The following DMD variants were observed in gnomAD, a reference collection of about 807,000 sequenced individuals.
DMD encodes dystrophin.
DMD carries 63 observed loss-of-function variants against 330.1 expected under a neutral mutation model. The ratio of observed to expected loss-of-function variants is 0.19; its 90% CI spans 0.16 to 0.24. The LOEUF (loss-of-function observed/expected upper bound fraction) is 0.24. Ranked by LOEUF, DMD falls within the 10% of genes least tolerant of loss-of-function variation. DMD has a pLI of 1.00. For missense variants in DMD, 3,344 were observed against 2,684.1 expected (o/e 1.25, Z -5.43); for synonymous variants, 1,223 against 959.8 (o/e 1.27, Z -5.07).
chrX:33,093,122 G>T (rs1021358641), intron 1 of DMD, among the ~76,000 whole-genome samples: 1 of 111,548 alleles, frequency 9.0e-6, no homozygotes, highest in Non-Finnish European at 1.9e-5. Context: ...TGATCCACCC[G>T]CCTCGGCCTC....
intron 1 of DMD, among the ~76,000 whole-genome samples, chrX:33,303,884 A>C (rs2053709899): frequency 9.0e-6 from 1 of 111,580 alleles, no homozygotes; most frequent in Admixed American, 9.6e-5. Flanking sequence ...AGAATGAACT[A>C]ATACACTTAA....
At chrX:31,464,492 A>G (rs1294844699) in intron 59 of DMD, among the ~76,000 whole-genome samples, 1 of 112,591 alleles carries the variant, frequency 8.9e-6, no homozygotes, top group African/African-American at 3.2e-5. Context: ...CCCTTATTAA[A>G]TAAATGGCTT....
chrX:31,572,800 C>T (rs2075893573), intron 55 of DMD, among the ~76,000 whole-genome samples: 1 of 112,276 alleles, frequency 8.9e-6, no homozygotes, highest in Non-Finnish European at 1.9e-5. Flanking sequence ...GTAGCTGGTG[C>T]TTCACATTTC....
chrX:31,783,273 C>T (rs969129593), intron 50 of DMD, among the ~76,000 whole-genome samples: 18 of 111,649 alleles, frequency 1.6e-4, no homozygotes, highest in Admixed American at 9.5e-4. Flanking sequence ...AGAGTTCCTC[C>T]TACCTGAATG....
chrX:32,611,281 T>G (rs929981452), intron 12 of DMD, among the ~76,000 whole-genome samples: 2 of 110,516 alleles, frequency 1.8e-5, no homozygotes, highest in Non-Finnish European at 3.8e-5. Context: ...TAGTTAAAAG[T>G]AGGAGTTGGC....
At chrX:32,759,352 G>T (rs780916695) in intron 7 of DMD, among the ~76,000 whole-genome samples, 5 of 111,238 alleles carry the variant, frequency 4.5e-5, no homozygotes, top group Non-Finnish European at 9.4e-5. Flanking sequence ...ACAAAGACAG[G>T]ACTCAAGAAA....
At chrX:32,992,731 A>G (rs956391955) in intron 2 of DMD, among the ~76,000 whole-genome samples, 3 of 109,667 alleles carry the variant, frequency 2.7e-5, no homozygotes, top group Non-Finnish European at 3.8e-5. Context: ...ACATGGTGAA[A>G]CCCCGTCTCT....
At chrX:32,654,253 T>A (rs892416204) in intron 9 of DMD, among the ~76,000 whole-genome samples, 3 of 111,594 alleles carry the variant, frequency 2.7e-5, no homozygotes, top group Non-Finnish European at 5.6e-5. Flanking sequence ...ATGCTTCCAG[T>A]TTTTGCCCAT....
chrX:31,456,836 ATGTG>A (rs5901988), intron 59 of DMD, among the ~76,000 whole-genome samples: 1,636 of 83,072 alleles, frequency 0.02, 16 homozygotes, highest in East Asian at 0.055. Flanking sequence ...GCCCACATAT[ATGTG>A]TGTGTGTGTG....
At chrX:32,976,743 C>G (rs2092562711) in intron 2 of DMD, among the ~76,000 whole-genome samples, 1 of 111,146 alleles carries the variant, frequency 9.0e-6, no homozygotes, top group Non-Finnish European at 1.9e-5. Context: ...CAGTATGTAC[C>G]TTTCTTATTT....
intron 51 of DMD, among the ~76,000 whole-genome samples, chrX:31,749,854 T>C (rs1184658314): frequency 9.4e-6 from 1 of 106,000 alleles, no homozygotes; most frequent in East Asian, 3.0e-4. Flanking sequence ...TGTGAGATGG[T>C]ATCTCATTGT....
Position 31,200,203 on chromosome X carries a change from C to T in DMD, c.9807+3758G>A, listed in dbSNP as rs138523796. ...CAGCACTTCAAACTAATTCCTCTTC[C>T]CCCTCAAGGGTCCCCTGTCTTGTTA... On this transcript the variant is annotated intron_variant, in intron 67 of 78. Transcript: ENST00000357033. 3.7e-3 allele frequency among the ~76,000 whole-genome samples: 409 copies of T among 111,527 alleles called. 1 individual carries two copies. The highest frequency in any genetic ancestry group is 0.012 in the African/African-American group (369 of 30,267).
intron 1 of DMD, among the ~76,000 whole-genome samples, chrX:33,124,164 T>C (rs1188099045): frequency 1.4e-4 from 14 of 102,545 alleles, no homozygotes; most frequent in African/African-American, 4.7e-4. Context: ...AGACGCTGTC[T>C]CAAAAAAATA....
chrX:32,552,377 G>C (rs185712575), intron 16 of DMD, among the ~76,000 whole-genome samples: 16 of 110,497 alleles, frequency 1.4e-4, no homozygotes, highest in African/African-American at 3.9e-4. Context: ...GAAAAGGACT[G>C]CCTATTCATT....
intron 44 of DMD, among the ~76,000 whole-genome samples, chrX:32,163,506 G>A (rs1603627449): frequency 8.9e-6 from 1 of 111,974 alleles, no homozygotes; most frequent in African/African-American, 3.3e-5. Context: ...GATTGGATGG[G>A]TGTGACAATT....
At chrX:32,599,155 A>G (rs1250718228) in intron 12 of DMD, among the ~76,000 whole-genome samples, 1 of 112,233 alleles carries the variant, frequency 8.9e-6, no homozygotes, top group African/African-American at 3.2e-5. Context: ...CACGTCTCCT[A>G]TTTTCTCAGA....
At chrX:31,316,551 C>T (rs1400481357) in intron 62 of DMD, among the ~76,000 whole-genome samples, 2 of 111,628 alleles carry the variant, frequency 1.8e-5, no homozygotes, top group African/African-American at 6.5e-5. Flanking sequence ...CATCTCCCAA[C>T]AAGATCTATA....
At chrX:31,713,792 G>T (rs943032738) in intron 52 of DMD, among the ~76,000 whole-genome samples, 1 of 111,477 alleles carries the variant, frequency 9.0e-6, no homozygotes, top group Non-Finnish European at 1.9e-5. Context: ...ATAATTCCTA[G>T]CCCCAATACC....
At chrX:33,307,264 C>T (rs1343968305) in intron 1 of DMD, among the ~76,000 whole-genome samples, 2 of 111,887 alleles carry the variant, frequency 1.8e-5, no homozygotes, top group Non-Finnish European at 3.8e-5. Flanking sequence ...TTCTACCTTC[C>T]ACCTAATAGA....
Sources: allele counts gnomAD v4.1 joint callset (sites outside exome capture counted in the v4.1 genomes callset), GRCh38; gene constraint gnomAD v4.1.1; transcripts MANE v1.5; gene names NCBI Gene and HGNC (gene_info 2026-07-23, HGNC 2026-07-21).